TBC1D1: variants seen among roughly 807,000 people sequenced by gnomAD.
TBC1D1 encodes the protein TBC1 domain family member 1, also known as TBC1 (tre-2/USP6, BUB2, cdc16) domain family, member 1.
In TBC1D1, 89 loss-of-function variants were observed where a neutral mutation model predicts 125.6. The ratio of observed to expected loss-of-function variants is 0.71; its 90% CI spans 0.60 to 0.85. TBC1D1 has a LOEUF of 0.85. TBC1D1 is among the 40% of genes least tolerant of loss of function. The probability of loss-of-function intolerance (pLI) is 0.00; values close to 1 mark genes in which losing one functional copy is unlikely to be tolerated. For missense variants in TBC1D1, 1,377 were observed against 1,469.2 expected, an observed-to-expected ratio of 0.94 and a Z score of 1.03; for synonymous variants, 565 against 564.1, an observed-to-expected ratio of 1.00 and a Z score of -0.02.
At chr4:38,025,540 G>A (rs1021813029) in intron 6 of TBC1D1, among the ~76,000 whole-genome samples, 5 of 152,242 alleles carry the variant, frequency 3.3e-5, no homozygotes, top group Admixed American at 1.3e-4. Context: ...CTGCCGAAGC[G>A]AAGAATAAGC....
At chr4:38,108,064 C>G (rs899787138) in intron 15 of TBC1D1, among the ~76,000 whole-genome samples, 1 of 152,182 alleles carries the variant, frequency 6.6e-6, no homozygotes, top group Non-Finnish European at 1.5e-5. Flanking sequence ...CCATCTGCAT[C>G]CATTTGTCCA....
intron 1 of TBC1D1, among the ~76,000 whole-genome samples, chr4:37,899,891 C>T (rs1311897484): frequency 1.3e-5 from 2 of 151,714 alleles, no homozygotes; most frequent in Non-Finnish European, 1.5e-5. Context: ...GAGGCCGAGG[C>T]GGGCGGAACA....
At chr4:38,017,384 G>A (rs1195666498) in intron 3 of TBC1D1, among the ~76,000 whole-genome samples, 1 of 152,174 alleles carries the variant, frequency 6.6e-6, no homozygotes, top group East Asian at 1.9e-4. Flanking sequence ...ATCATCCTTG[G>A]TCTCCACAGA....
At chr4:37,981,362 A>G (rs1385834967) in intron 2 of TBC1D1, among the ~76,000 whole-genome samples, 4 of 152,200 alleles carry the variant, frequency 2.6e-5, no homozygotes, top group African/African-American at 9.6e-5. Context: ...CATTCATTCA[A>G]CAGGTCATTT....
rs1410908535 is a variant in TBC1D1 at position 37,988,420 on chromosome 4, TTAAG to T, written c.418-26083_418-26080del. On this transcript the variant is annotated intron_variant, in intron 2 of 19. Coordinates refer to ENST00000261439, the MANE Select transcript of TBC1D1 (RefSeq NM_015173.4). The stretch of plus-strand genomic sequence containing the variant: ...ACCAGTTACCAGTGGAGGGATGACC[TTAAG>T]TAAGTTATTTTTTTCTCTAGACATT... Among the ~76,000 whole-genome samples the T allele has an allele frequency of 1.4e-4, 22 of 152,294 alleles. No homozygotes were observed. The South Asian group carries it at 2.3e-3, about 16-fold the overall frequency.
At chr4:37,968,444 G>C (rs1731451605) in intron 2 of TBC1D1, among the ~76,000 whole-genome samples, 1 of 152,222 alleles carries the variant, frequency 6.6e-6, no homozygotes, top group Non-Finnish European at 1.5e-5. Context: ...TCGGCTTGCT[G>C]TTATTCTGGC....
chr4:38,054,416 G>C, intron 12 of TBC1D1, 78 bp downstream of exon 14: 1 of 1,587,830 alleles, frequency 6.3e-7, no homozygotes, highest in Non-Finnish European at 8.6e-7. Context: ...ATATTGGTAA[G>C]AAAGCAGAGC....
chr4:38,004,011 AGC>A (rs1453673155), intron 2 of TBC1D1, among the ~76,000 whole-genome samples: 1 of 152,200 alleles, frequency 6.6e-6, no homozygotes, highest in African/African-American at 2.4e-5. Flanking sequence ...CCTCCAAGGT[AGC>A]TGGTAATGTC....
rs575644987 is a variant in TBC1D1, at chr4:38,137,310, C to T, written c.3482C>T (p.Thr1161Met). 8.3e-5 allele frequency: 134 copies of T among 1,611,076 alleles called. No individual in the cohort carries two copies. The East Asian group carries it at 2.4e-3, about 29-fold the overall frequency. The change falls in exon 20 of 20, where the codon ACG becomes ATG. Residue 1161 changes from threonine (T) to methionine (M), a missense_variant. Thr to Met is a moderately conservative substitution (Grantham distance 81). Around this residue, in one of 3 missense-constraint regions of TBC1D1, gnomAD observed 543 missense variants for 613.5 expected, o/e 0.89. Coordinates refer to ENST00000261439, the MANE Select transcript of TBC1D1 (RefSeq NM_015173.4). ...CCCAGCGACCGGGAGCCTGAGTGCA[C>T]GCAGCCCGAGCCCACGGGCGACTGA...
chr4:38,067,964 C>T (rs528519953), intron 12 of TBC1D1, among the ~76,000 whole-genome samples: 4 of 152,298 alleles, frequency 2.6e-5, no homozygotes, highest in Non-Finnish European at 4.4e-5. Flanking sequence ...CCTGCCAATA[C>T]GCGGATGTAC....
intron 2 of TBC1D1, among the ~76,000 whole-genome samples, chr4:37,976,929 C>CT (rs1451205091): frequency 2.6e-5 from 4 of 152,172 alleles, no homozygotes; most frequent in Non-Finnish European, 5.9e-5. Flanking sequence ...GAACACTGGT[C>CT]TTTTGTTACT....
At chr4:38,043,248 G>A (rs1484537353) in intron 8 of TBC1D1, among the ~76,000 whole-genome samples, 1 of 151,854 alleles carries the variant, frequency 6.6e-6, no homozygotes. Flanking sequence ...GCAATCAGGT[G>A]AGAATCCACA....
At chr4:37,894,573 T>C (rs939168652) in intron 1 of TBC1D1, among the ~76,000 whole-genome samples, 5 of 152,206 alleles carry the variant, frequency 3.3e-5, no homozygotes, top group African/African-American at 1.2e-4. Context: ...ACATTTTATA[T>C]AATCAGCAAA....
chr4:37,999,532 A>G (rs1175689134), intron 2 of TBC1D1, among the ~76,000 whole-genome samples: 1 of 152,124 alleles, frequency 6.6e-6, no homozygotes, highest in Admixed American at 6.6e-5. Context: ...CGCGTGGTGT[A>G]GGGGAAGGGC....
chr4:37,920,174 G>T (rs1022827431), intron 2 of TBC1D1, among the ~76,000 whole-genome samples: 1 of 152,224 alleles, frequency 6.6e-6, no homozygotes, highest in Non-Finnish European at 1.5e-5. Flanking sequence ...GCTAGGCTTA[G>T]TGGGTACAAA....
chr4:37,940,439 T>A (rs1369698719), intron 2 of TBC1D1, among the ~76,000 whole-genome samples: 1 of 152,236 alleles, frequency 6.6e-6, no homozygotes, highest in Non-Finnish European at 1.5e-5. Context: ...ACGATGGGGT[T>A]ATCTAGATAT....
intron 2 of TBC1D1, among the ~76,000 whole-genome samples, chr4:37,933,852 C>T (rs1723829588): frequency 6.6e-6 from 1 of 152,060 alleles, no homozygotes; most frequent in African/African-American, 2.4e-5. Flanking sequence ...AGGAAAGTGG[C>T]ATAGTCTTGT....
At chr4:38,032,094 G>A (rs1037224663) in intron 7 of TBC1D1, among the ~76,000 whole-genome samples, 1 of 152,170 alleles carries the variant, frequency 6.6e-6, no homozygotes, top group African/African-American at 2.4e-5. Context: ...CAAGGCGGGC[G>A]GATCACCCGA....
In TBC1D1 at chr4:38,020,584, T is replaced by G. The variant is rs889272378; in HGVS notation, c.973-7T>G. 8 of 1,611,578 alleles carry G rather than the reference T, an allele frequency of 5.0e-6. No individual in the cohort carries two copies. Among genetic ancestry groups the G allele is most frequent in the Middle Eastern group, 1.6e-4 (1 of 6,070 alleles). On this transcript the variant is annotated splice_region_variant and splice_polypyrimidine_tract_variant and intron_variant, in intron 4 of 19. Transcript: ENST00000261439. ...CAACTGAACATCTCGTTCTCTCCCTTTGGCAGGGCATCAGACACGTGGACC... is the reference window on the plus strand; with the variant it reads ...CAACTGAACATCTCGTTCTCTCCCTGTGGCAGGGCATCAGACACGTGGACC...
Sources: gnomAD v4.1 joint callset for allele counts (sites outside exome capture counted in the v4.1 genomes callset) on GRCh38, gnomAD v4.1.1 for gene constraint, gnomAD v4.1.1 regional missense constraint, MANE v1.5 for transcripts, NCBI Gene and HGNC (gene_info 2026-07-23, HGNC 2026-07-21) for gene names.